The following CYP39A1 variants were observed in gnomAD, a reference collection of about 807,000 sequenced individuals.
The protein encoded by CYP39A1 is cytochrome P450 family 39 subfamily A member 1.
A neutral mutation model predicts 58.1 loss-of-function variants in CYP39A1; 49 were observed. The ratio of observed to expected loss-of-function variants is 0.84; its 90% CI spans 0.67 to 1.07. The LOEUF is 1.07. Ranked by LOEUF, CYP39A1 falls within the 50% of genes least tolerant of loss-of-function variation. CYP39A1 has a pLI of 0.00. For synonymous variants in CYP39A1, 209 were observed against 187.6 expected, an observed-to-expected ratio of 1.11 and a Z score of -0.93; for missense variants, 531 against 539.4, an observed-to-expected ratio of 0.98 and a Z score of 0.16.
At chr6:46,560,539 G>A (rs1770919434) in intron 10 of CYP39A1, among the ~76,000 whole-genome samples, 3 of 152,122 alleles carry the variant, frequency 2.0e-5, no homozygotes, top group Admixed American at 1.3e-4. Flanking sequence ...GAGGTTGAGG[G>A]AATTGTAATC....
At position 46,652,692 on chromosome 6, in the gene CYP39A1, C is replaced by T; in HGVS notation, c.-110G>A. 1.0e-6 allele frequency: 1 copy of T among 989,072 alleles called. No homozygotes were observed. 61.3% of individuals were successfully genotyped at this position (989,072 alleles called of 1,614,324 possible). ...GTCGGGACTCCCAACCTTTCTGCTG[C>T]AACTTTTGCAGCTCTCCTTCGTAAC... On this transcript the variant is annotated 5_prime_UTR_variant, in exon 1 of 12. Coordinates refer to ENST00000275016, the MANE Select transcript of CYP39A1 (RefSeq NM_016593.5).
chr6:46,647,741 T>C (rs1205683379), intron 1 of CYP39A1, among the ~76,000 whole-genome samples: 1 of 152,234 alleles, frequency 6.6e-6, no homozygotes, highest in East Asian at 1.9e-4. Flanking sequence ...ATGATGAGCA[T>C]TTTTTCATCT....
At chr6:46,582,758 T>A (rs978431639) in intron 10 of CYP39A1, among the ~76,000 whole-genome samples, 1 of 151,826 alleles carries the variant, frequency 6.6e-6, no homozygotes, top group East Asian at 1.9e-4. Flanking sequence ...ATGTTATGAG[T>A]CTTTGACTCT....
intron 10 of CYP39A1, among the ~76,000 whole-genome samples, chr6:46,573,657 T>G (rs1582315013): frequency 1.3e-5 from 2 of 152,082 alleles, no homozygotes; most frequent in African/African-American, 2.4e-5. Flanking sequence ...GTCCCAGTAT[T>G]CAGCACATAG....
At chr6:46,571,161 A>C (rs1008126159) in intron 10 of CYP39A1, among the ~76,000 whole-genome samples, 1 of 152,130 alleles carries the variant, frequency 6.6e-6, no homozygotes, top group Non-Finnish European at 1.5e-5. Flanking sequence ...CTGTCATAGC[A>C]CTAGACATAG....
chr6:46,637,759 G>A, intron 4 of CYP39A1, 70 bp downstream of exon 4: 1 of 1,524,690 alleles, frequency 6.6e-7, no homozygotes. Flanking sequence ...ACTTAGAACA[G>A]AAAAATGAGA....
chr6:46,619,116 C>A (rs1446651617), intron 7 of CYP39A1, among the ~76,000 whole-genome samples: 1 of 152,072 alleles, frequency 6.6e-6, no homozygotes, highest in Non-Finnish European at 1.5e-5. Flanking sequence ...TTTTGTGGCT[C>A]CCAACTGACT....
intron 10 of CYP39A1, chr6:46,583,198 C>G: frequency 1.0e-6 from 1 of 985,372 alleles, no homozygotes. Context: ...CTCTTCTTAT[C>G]CAAGCATGCC....
intron 10 of CYP39A1, chr6:46,586,128 TA>T: frequency 6.7e-6 from 5 of 745,184 alleles, no homozygotes; most frequent in Non-Finnish European, 8.2e-6. Flanking sequence ...AGGGGAAGCG[TA>T]AATTACCAAA....
chr6:46,634,766 C>A (rs1378686100), intron 5 of CYP39A1, among the ~76,000 whole-genome samples: 1 of 152,146 alleles, frequency 6.6e-6, no homozygotes, highest in African/African-American at 2.4e-5. Context: ...AGGTGATCCA[C>A]CCACCTTGGC....
In CYP39A1 at chr6:46,596,162, G is replaced by A. The variant is rs769320590; in HGVS notation, c.932-42C>T. On this transcript the variant is annotated intron_variant, in intron 7 of 11. Transcript: ENST00000275016. ...AATGAGAAATAAATAGACTACAGAG[G>A]TCAGAAAGTGATTTCACGTAAGCTC... 4.0e-6 allele frequency: 6 copies of A among 1,497,246 alleles called. No individual in the cohort carries two copies. In the Admixed American group the frequency reaches 1.2e-4, roughly 29 times the overall value. The allele number at this position is 1,497,246 out of a possible 1,614,324, so 92.7% of individuals were successfully genotyped here. A position where few individuals can be genotyped will look rare whatever the true frequency, so the allele number is the denominator to read the frequency against.
At chr6:46,550,566 T>A in intron 11 of CYP39A1, 129 bp from the exon 12 acceptor site, 1 of 676,666 alleles carries the variant, frequency 1.5e-6, no homozygotes, top group Non-Finnish European at 2.4e-6. Flanking sequence ...GGGAAATGTT[T>A]GCATCAATGA....
intron 8 of CYP39A1, among the ~76,000 whole-genome samples, chr6:46,595,517 T>G (rs1349080740): frequency 6.6e-6 from 1 of 151,952 alleles, no homozygotes; most frequent in Non-Finnish European, 1.5e-5. Flanking sequence ...GTATTTTCAC[T>G]TATATGTTGA....
chr6:46,573,364 T>C lies in CYP39A1; in HGVS notation c.1250+13713A>G, dbSNP rs9296496. 1.8e-3 allele frequency among the ~76,000 whole-genome samples: 275 copies of C among 152,314 alleles called. 2 individuals are homozygous for C. The highest frequency in any genetic ancestry group is 6.0e-3 in the African/African-American group (251 of 41,580). On this transcript the variant is annotated intron_variant, in intron 10 of 11. Coordinates refer to ENST00000275016, the MANE Select transcript of CYP39A1 (RefSeq NM_016593.5). ...GAACAGGATGTGGTGGCATAGTCTG[T>C]GCAGTTCCATCAGCTGTAATCAATA...
intron 10 of CYP39A1, among the ~76,000 whole-genome samples, chr6:46,561,617 G>T (rs1030364540): frequency 6.6e-6 from 1 of 152,100 alleles, no homozygotes; most frequent in Admixed American, 6.5e-5. Context: ...CCATGTGACA[G>T]TGTTGGGACT....
At chr6:46,571,763 C>G (rs1269598552) in intron 10 of CYP39A1, among the ~76,000 whole-genome samples, 1 of 151,846 alleles carries the variant, frequency 6.6e-6, no homozygotes, top group East Asian at 1.9e-4. Context: ...TCACTATTGC[C>G]ATTTTGTAAA....
chr6:46,598,548 C>G lies in CYP39A1; in HGVS notation c.932-2428G>C, dbSNP rs371527017. Among the ~76,000 whole-genome samples, 93 of 152,218 alleles carry G rather than the reference C, an allele frequency of 6.1e-4. No individual in the cohort carries two copies. In the South Asian group the frequency reaches 0.017, roughly 28 times the overall value. On this transcript the variant is annotated intron_variant, in intron 7 of 11. Transcript: ENST00000275016. ...TAGTTTACATTTTCCCCAAACTATC[C>G]CAACATTTTCTAAACTAATTCGGAA... is the stretch of plus-strand genomic sequence containing the variant.
intron 8 of CYP39A1, among the ~76,000 whole-genome samples, chr6:46,594,356 A>G (rs1488741686): frequency 6.6e-6 from 1 of 152,078 alleles, no homozygotes; most frequent in Non-Finnish European, 1.5e-5. Context: ...AAACTACAAA[A>G]GACCCTTGAA....
chr6:46,583,709 AC>A, intron 10 of CYP39A1: 1 of 451,008 alleles, frequency 2.2e-6, no homozygotes, highest in African/African-American at 2.1e-5. Context: ...TACTTTCAGA[AC>A]CCCCACGAAT....
Sources: allele counts gnomAD v4.1 joint callset (sites outside exome capture counted in the v4.1 genomes callset), GRCh38; gene constraint gnomAD v4.1.1; transcripts MANE v1.5; gene names NCBI Gene and HGNC (gene_info 2026-07-23, HGNC 2026-07-21).